NEK7: variants seen among roughly 807,000 people sequenced by gnomAD.
NEK7 encodes serine/threonine-protein kinase Nek7.
A neutral mutation model predicts 44.6 loss-of-function variants in NEK7; 18 were observed. The observed-to-expected ratio is 0.40, with a 90% CI of 0.28 to 0.60. The LOEUF is 0.60. NEK7 is among the 20% of genes least tolerant of loss of function. NEK7 has a pLI of 0.38. For synonymous variants in NEK7, 130 were observed against 121.1 expected (o/e 1.07, Z -0.48); for missense variants, 256 against 366.5 (o/e 0.70, Z 2.46).
intron 1 of NEK7, among the ~76,000 whole-genome samples, 190 bp from the exon 2 acceptor site, chr1:198,232,363 A>G (rs1210550561): frequency 6.6e-6 from 1 of 152,166 alleles, no homozygotes; most frequent in Non-Finnish European, 1.5e-5. Flanking sequence ...GAAATGGTTG[A>G]GACAGTGAAT....
chr1:198,219,552 A>G (rs918390537), intron 1 of NEK7, among the ~76,000 whole-genome samples: 6 of 151,578 alleles, frequency 4.0e-5, no homozygotes, highest in Non-Finnish European at 1.5e-5. Flanking sequence ...GGAGACTCAG[A>G]ATGGGGAAGG....
At chr1:198,284,634 T>C (rs1046499512) in intron 7 of NEK7, among the ~76,000 whole-genome samples, 1 of 152,172 alleles carries the variant, frequency 6.6e-6, no homozygotes, top group African/African-American at 2.4e-5. Flanking sequence ...CAAAATGTAC[T>C]TTTGGTATAT....
intron 1 of NEK7, among the ~76,000 whole-genome samples, chr1:198,205,109 AT>A (rs1665556299): frequency 6.6e-6 from 1 of 152,062 alleles, no homozygotes; most frequent in African/African-American, 2.4e-5. Context: ...CCCATTGCTT[AT>A]TTTTGTTTGG....
intron 3 of NEK7, among the ~76,000 whole-genome samples, chr1:198,254,686 A>G (rs1185788158): frequency 6.6e-6 from 1 of 152,158 alleles, no homozygotes; most frequent in Non-Finnish European, 1.5e-5. Context: ...GTTTGTGCTT[A>G]AGAGTGGAAA....
At chr1:198,200,820 G>A (rs61335584) in intron 1 of NEK7, among the ~76,000 whole-genome samples, 7,226 of 152,124 alleles carry the variant, frequency 0.048, 279 homozygotes, top group East Asian at 0.17. Flanking sequence ...CAAAGTGTTG[G>A]GATTACAGGC....
At chr1:198,233,823 A>C (rs12080194) in intron 2 of NEK7, among the ~76,000 whole-genome samples, 2,558 of 150,880 alleles carry the variant, frequency 0.017, 83 homozygotes, top group African/African-American at 0.059. Flanking sequence ...TCTACAAAAA[A>C]CGATCTTTTC....
chr1:198,202,362 C>T (rs1665457289), intron 1 of NEK7, among the ~76,000 whole-genome samples: 1 of 152,124 alleles, frequency 6.6e-6, no homozygotes, highest in African/African-American at 2.4e-5. Context: ...CATTGAGTAA[C>T]TTGCCCAAAA....
intron 5 of NEK7, among the ~76,000 whole-genome samples, chr1:198,273,253 A>C (rs1444165337): frequency 6.6e-6 from 1 of 151,742 alleles, no homozygotes; most frequent in African/African-American, 2.4e-5. Context: ...ATGCAACTTA[A>C]GATATCTGAA....
intron 9 of NEK7, among the ~76,000 whole-genome samples, chr1:198,301,469 G>A (rs1278378955): frequency 6.6e-6 from 1 of 152,250 alleles, no homozygotes; most frequent in African/African-American, 2.4e-5. Flanking sequence ...AGAATGGCGT[G>A]AACCCAGGAG....
chr1:198,204,860 T>TA (rs1390414163), intron 1 of NEK7, among the ~76,000 whole-genome samples: 1 of 152,000 alleles, frequency 6.6e-6, no homozygotes, highest in Non-Finnish European at 1.5e-5. Context: ...ATCTGTTTTT[T>TA]AAAAAAAAGG....
At chr1:198,205,282 T>A (rs1665561765) in intron 1 of NEK7, among the ~76,000 whole-genome samples, 1 of 152,176 alleles carries the variant, frequency 6.6e-6, no homozygotes, top group African/African-American at 2.4e-5. Flanking sequence ...TGCAAAGAAC[T>A]AAACTGAAAA....
At chr1:198,283,281 C>G (rs1259781998) in intron 7 of NEK7, among the ~76,000 whole-genome samples, 1 of 152,096 alleles carries the variant, frequency 6.6e-6, no homozygotes, top group African/African-American at 2.4e-5. Context: ...CTTCTTTGGG[C>G]TAAGCATGCC....
At chr1:198,261,735 G>A (rs976791684) in intron 3 of NEK7, among the ~76,000 whole-genome samples, 1 of 151,706 alleles carries the variant, frequency 6.6e-6, no homozygotes, top group African/African-American at 2.4e-5. Context: ...AGAGATTTGT[G>A]TTTTCAGAGA....
chr1:198,246,875 G>A (rs1056876372), intron 2 of NEK7, among the ~76,000 whole-genome samples: 7 of 152,222 alleles, frequency 4.6e-5, no homozygotes, highest in Admixed American at 3.9e-4. Context: ...AATGGTCTCC[G>A]TGTATGGGAG....
At chr1:198,298,778 G>T (rs1221189246) in intron 9 of NEK7, among the ~76,000 whole-genome samples, 1 of 152,144 alleles carries the variant, frequency 6.6e-6, no homozygotes, top group Non-Finnish European at 1.5e-5. Context: ...TTTTCAGACT[G>T]TCTGAATTTG....
intron 1 of NEK7, among the ~76,000 whole-genome samples, chr1:198,158,779 GAGGA>G (rs1663997383): frequency 6.6e-6 from 1 of 152,162 alleles, no homozygotes; most frequent in African/African-American, 2.4e-5. Context: ...TTTATTTCCA[GAGGA>G]AGGAATTCTC....
At chr1:198,268,910 C>T (rs1042308505) in intron 5 of NEK7, among the ~76,000 whole-genome samples, 8 of 152,104 alleles carry the variant, frequency 5.3e-5, no homozygotes, top group Non-Finnish European at 8.8e-5. Flanking sequence ...TGCTCTTCTT[C>T]TCCATTCTTG....
chr1:198,254,431 A>G (rs1035381038), intron 3 of NEK7, among the ~76,000 whole-genome samples: 1 of 152,068 alleles, frequency 6.6e-6, no homozygotes, highest in Non-Finnish European at 1.5e-5. Context: ...TAAATGAAGC[A>G]TGTTTTATAT....
chr1:198,187,216 A>G (rs1284799820), intron 1 of NEK7, among the ~76,000 whole-genome samples: 1 of 152,170 alleles, frequency 6.6e-6, no homozygotes, highest in Admixed American at 6.5e-5. Context: ...GTTGTCTTCA[A>G]TATCTAAACA....
Sources: gnomAD v4.1 joint callset for allele counts (sites outside exome capture counted in the v4.1 genomes callset) on GRCh38, gnomAD v4.1.1 for gene constraint, MANE v1.5 for transcripts, NCBI Gene and HGNC (gene_info 2026-07-23, HGNC 2026-07-21) for gene names.